PDZRN4: variants seen among roughly 807,000 people sequenced by gnomAD.
PDZRN4 encodes PDZ domain containing ring finger 4.
PDZRN4 carries 70 observed loss-of-function variants against 99.0 expected under a neutral mutation model. That is an observed-to-expected ratio of 0.71 (90% CI 0.58 to 0.86). PDZRN4 has a LOEUF of 0.86. PDZRN4 is among the 40% of genes least tolerant of loss of function. The probability of loss-of-function intolerance (pLI) is 0.00; values close to 1 mark genes in which losing one functional copy is unlikely to be tolerated. For missense variants in PDZRN4, 1,474 were observed against 1,331.2 expected, an observed-to-expected ratio of 1.11 and a Z score of -1.67; for synonymous variants, 551 against 501.6, an observed-to-expected ratio of 1.10 and a Z score of -1.32.
intron 3 of PDZRN4, among the ~76,000 whole-genome samples, chr12:41,215,782 T>G (rs1262151771): frequency 2.0e-5 from 3 of 151,928 alleles, no homozygotes; most frequent in Non-Finnish European, 2.9e-5. Flanking sequence ...CCCATAGTGG[T>G]CTAAATTCAG....
intron 5 of PDZRN4, among the ~76,000 whole-genome samples, chr12:41,513,253 T>A (rs1197434589): frequency 6.6e-6 from 1 of 152,080 alleles, no homozygotes; most frequent in Non-Finnish European, 1.5e-5. Flanking sequence ...TTGGAGATAT[T>A]ATACTCAGTG....
At chr12:41,290,112 C>A (rs1447790975) in intron 3 of PDZRN4, among the ~76,000 whole-genome samples, 1 of 152,152 alleles carries the variant, frequency 6.6e-6, no homozygotes, top group Non-Finnish European at 1.5e-5. Flanking sequence ...TTATTTGATG[C>A]TTGAGATCCA....
chr12:41,303,305 T>A (rs575883039), intron 3 of PDZRN4, among the ~76,000 whole-genome samples: 1 of 152,294 alleles, frequency 6.6e-6, no homozygotes, highest in African/African-American at 2.4e-5. Flanking sequence ...GAGAAAACCC[T>A]CCTGAGTCCT....
At chr12:41,329,648 G>A (rs973228148) in intron 3 of PDZRN4, among the ~76,000 whole-genome samples, 5 of 152,012 alleles carry the variant, frequency 3.3e-5, no homozygotes, top group African/African-American at 9.7e-5. Context: ...TAATATAATT[G>A]TAGAATAATG....
chr12:41,257,196 CA>C (rs1951209571), intron 3 of PDZRN4, among the ~76,000 whole-genome samples: 1 of 152,192 alleles, frequency 6.6e-6, no homozygotes, highest in African/African-American at 2.4e-5. Flanking sequence ...CTAAGATAAG[CA>C]TAACTACTTA....
At chr12:41,414,098 G>C (rs1309657726) in intron 3 of PDZRN4, among the ~76,000 whole-genome samples, 1 of 152,088 alleles carries the variant, frequency 6.6e-6, no homozygotes, top group Non-Finnish European at 1.5e-5. Context: ...GAAATTCTTG[G>C]TTAGAATTTC....
intron 3 of PDZRN4, among the ~76,000 whole-genome samples, chr12:41,345,316 C>A (rs1344823578): frequency 6.6e-6 from 1 of 152,154 alleles, no homozygotes; most frequent in Non-Finnish European, 1.5e-5. Flanking sequence ...CTTATAAATT[C>A]ATGACCCACC....
In PDZRN4 at chr12:41,311,454, C is replaced by T. The variant is rs1467966289; in HGVS notation, c.843+117266C>T. 2.0e-5 allele frequency among the ~76,000 whole-genome samples: 3 copies of T among 151,998 alleles called. No individual in the cohort carries two copies. The East Asian group carries it at 5.8e-4, about 29-fold the overall frequency. On this transcript the variant is annotated intron_variant, in intron 3 of 9. Transcript: ENST00000402685. The stretch of plus-strand genomic sequence containing the variant: ...TTCACATCAGTAAGTTCAGGTGGGC[C>T]TGAATATCTGTAATTTTAAAGGTCC...
At chr12:41,446,801 CCAGA>C (rs1004823740) in intron 3 of PDZRN4, among the ~76,000 whole-genome samples, 1 of 147,574 alleles carries the variant, frequency 6.8e-6, no homozygotes, top group African/African-American at 2.5e-5. Flanking sequence ...CATGGAACAG[CCAGA>C]CAGTGGATAT....
intron 7 of PDZRN4, among the ~76,000 whole-genome samples, chr12:41,556,566 T>C (rs285578): frequency 0.047 from 7,162 of 152,332 alleles, 267 homozygotes; most frequent in East Asian, 0.14. Flanking sequence ...GGCCCATTGA[T>C]GTATCTACAG....
At chr12:41,196,744 T>C (rs543071418) in intron 3 of PDZRN4, among the ~76,000 whole-genome samples, 39 of 152,212 alleles carry the variant, frequency 2.6e-4, no homozygotes, top group African/African-American at 8.2e-4. Flanking sequence ...TAAGCAGTTT[T>C]TAGCTAATTG....
At chr12:41,358,546 A>T (rs1040568545) in intron 3 of PDZRN4, among the ~76,000 whole-genome samples, 1 of 151,954 alleles carries the variant, frequency 6.6e-6, no homozygotes, top group East Asian at 1.9e-4. Flanking sequence ...GATTTGCCCA[A>T]TGTCACCAGC....
At chr12:41,548,473 C>T (rs1465249848) in intron 5 of PDZRN4, among the ~76,000 whole-genome samples, 1 of 152,124 alleles carries the variant, frequency 6.6e-6, no homozygotes, top group Non-Finnish European at 1.5e-5. Context: ...TAAATGAAAA[C>T]CAGGAAAATA....
chr12:41,399,195 A>T, intron 3 of PDZRN4, among the ~76,000 whole-genome samples: 1 of 152,186 alleles, frequency 6.6e-6, no homozygotes, highest in Non-Finnish European at 1.5e-5. Flanking sequence ...TACAAATAAT[A>T]CATATTGATT....
At chr12:41,474,217 G>A (rs975591733) in intron 3 of PDZRN4, among the ~76,000 whole-genome samples, 26 of 152,308 alleles carry the variant, frequency 1.7e-4, no homozygotes, top group Admixed American at 1.4e-3. Context: ...TATGTACTAC[G>A]TGTCAGACAC....
chr12:41,330,182 C>A (rs1045216650), intron 3 of PDZRN4, among the ~76,000 whole-genome samples: 5 of 145,492 alleles, frequency 3.4e-5, no homozygotes, highest in African/African-American at 1.2e-4. Context: ...CTCTGGAGGA[C>A]AAAGTACAAA....
intron 3 of PDZRN4, among the ~76,000 whole-genome samples, chr12:41,462,412 A>G (rs1466276967): frequency 6.6e-6 from 1 of 152,228 alleles, no homozygotes; most frequent in Non-Finnish European, 1.5e-5. Context: ...CTAAAAAGGT[A>G]TTGACATGGT....
chr12:41,243,303 A>G (rs1420116811), intron 3 of PDZRN4, among the ~76,000 whole-genome samples: 1 of 152,190 alleles, frequency 6.6e-6, no homozygotes, highest in Non-Finnish European at 1.5e-5. Context: ...TACCCTTTGG[A>G]TTTGTTTTAA....
Position 41,327,820 on chromosome 12 carries a change from G to C in PDZRN4, c.843+133632G>C, listed in dbSNP as rs529389711. ...TATATGTATGTGTGTGTCTGTGTGT[G>C]TGTGTGCATGTGTGTGTGTATAAGT... On this transcript the variant is annotated intron_variant, in intron 3 of 9. Transcript: ENST00000402685. Among the ~76,000 whole-genome samples the C allele has an allele frequency of 3.9e-5, 6 of 152,244 alleles. No homozygotes were observed. In the East Asian group the frequency reaches 1.2e-3, roughly 29 times the overall value.
Sources: allele counts gnomAD v4.1 joint callset (sites outside exome capture counted in the v4.1 genomes callset), GRCh38; gene constraint gnomAD v4.1.1; transcripts MANE v1.5; gene names NCBI Gene and HGNC (gene_info 2026-07-23, HGNC 2026-07-21).